CDC14A: variants seen among roughly 807,000 people sequenced by gnomAD.
CDC14A encodes the protein cell division cycle 14A.
CDC14A carries 53 observed loss-of-function variants against 74.4 expected under a neutral mutation model. That is an observed-to-expected ratio of 0.71 (90% CI 0.57 to 0.89). The LOEUF is 0.89. Ranked by LOEUF, CDC14A falls within the 40% of genes least tolerant of loss-of-function variation. The pLI, the probability that CDC14A is intolerant of heterozygous loss-of-function variation, is 0.00. For synonymous variants in CDC14A, 247 were observed against 258.4 expected (o/e 0.96, Z 0.43); for missense variants, 646 against 713.7 (o/e 0.91, Z 1.08).
At position 100,508,747 on chromosome 1, in the gene CDC14A, C is replaced by G. The variant is rs2101471055; in HGVS notation, c.1755+9485C>G. On this transcript the variant is annotated intron_variant, in intron 15 of 15. Transcript: ENST00000336454. This position sits in a 1 kb window ranked among gnomAD's most constrained non-coding sequence, Gnocchi z 4.4. ...GCCTGACTCCACCCCTGATTTCAGG[C>G]CAGGGGCTTTCGACCTATGTACCCA... 6.6e-6 allele frequency among the ~76,000 whole-genome samples: 1 copy of G among 152,312 alleles called. No individual in the cohort carries two copies. Among genetic ancestry groups the G allele is most frequent in the East Asian group, 1.9e-4 (1 of 5,176 alleles).
In CDC14A at chr1:100,398,624, A is replaced by AAT. The variant is rs201535593; in HGVS notation, c.309+7808_309+7809dup. ...CACTATGGTAGGTTCTAGGGAATAAAATATATATACATATAAACAATGCCT... is the reference window on the plus strand; with the variant it reads ...CACTATGGTAGGTTCTAGGGAATAAAATATATATATACATATAAACAATGCCT... On this transcript the variant is annotated intron_variant, in intron 4 of 15. Coordinates refer to ENST00000336454, the MANE Select transcript of CDC14A (RefSeq NM_003672.4). Among the ~76,000 whole-genome samples the AAT allele has an allele frequency of 4.2e-3, 640 of 152,300 alleles. 4 individuals carry two copies. The highest frequency in any genetic ancestry group is 0.014 in the African/African-American group (591 of 41,544).
chr1:100,350,424 TAC>T (rs1176126808), upstream of CDC14A, among the ~76,000 whole-genome samples: 1 of 152,236 alleles, frequency 6.6e-6, no homozygotes, highest in African/African-American at 2.4e-5. Context: ...ATTAATTACT[TAC>T]AGAGTTTTAT....
At chr1:100,484,063 A>G (rs1174925132) in intron 10 of CDC14A, among the ~76,000 whole-genome samples, 1 of 152,170 alleles carries the variant, frequency 6.6e-6, no homozygotes, top group Non-Finnish European at 1.5e-5. Context: ...AACTATATAG[A>G]CAAATATTGG....
chr1:100,390,877 C>A, intron 4 of CDC14A, 53 bp downstream of exon 4: 1 of 1,296,200 alleles, frequency 7.7e-7, no homozygotes, highest in Non-Finnish European at 1.1e-6. Flanking sequence ...GAAATGCTAA[C>A]ACTGTCAAAG....
chr1:100,420,677 G>T (rs2101070245), intron 4 of CDC14A, among the ~76,000 whole-genome samples: 1 of 152,228 alleles, frequency 6.6e-6, no homozygotes, highest in East Asian at 1.9e-4. Context: ...TAAGTCAAAA[G>T]TAAATGTGTG....
intron 2 of CDC14A, among the ~76,000 whole-genome samples, chr1:100,366,107 A>G (rs868140867): frequency 9.2e-5 from 14 of 152,166 alleles, no homozygotes. Context: ...GCTTTTAGTA[A>G]CTATTTGAGT....
At chr1:100,369,584 C>T (rs545642679) in intron 2 of CDC14A, among the ~76,000 whole-genome samples, 2 of 152,100 alleles carry the variant, frequency 1.3e-5, no homozygotes, top group South Asian at 4.1e-4. Flanking sequence ...GGTTATTTTT[C>T]TCTTGTTCAA....
chr1:100,515,904 A>C (rs1398444392), intron 15 of CDC14A, among the ~76,000 whole-genome samples: 1 of 152,226 alleles, frequency 6.6e-6, no homozygotes, highest in African/African-American at 2.4e-5. Flanking sequence ...ACTTATGTTC[A>C]GTAATTATTT....
At chr1:100,378,969 A>G (rs189214955) in intron 3 of CDC14A, among the ~76,000 whole-genome samples, 8 of 152,308 alleles carry the variant, frequency 5.3e-5, no homozygotes, top group Non-Finnish European at 1.2e-4. Context: ...TGGCTGAGTA[A>G]ACAAGAAAAG....
chr1:100,386,263 G>C (rs2100975078), intron 3 of CDC14A, among the ~76,000 whole-genome samples: 2 of 152,252 alleles, frequency 1.3e-5, no homozygotes, highest in East Asian at 3.9e-4. Context: ...TTTGTAATGG[G>C]TCATGTGCTG....
At chr1:100,364,200 CT>C (rs1014872052) in intron 2 of CDC14A, among the ~76,000 whole-genome samples, 80 of 145,776 alleles carry the variant, frequency 5.5e-4, no homozygotes, top group Non-Finnish European at 4.9e-4. Flanking sequence ...GGATGATCAT[CT>C]TTTTTTTTTT....
chr1:100,416,078 G>T (rs895485182), intron 4 of CDC14A, among the ~76,000 whole-genome samples: 8 of 152,160 alleles, frequency 5.3e-5, no homozygotes, highest in African/African-American at 1.7e-4. Context: ...TGAGAACCAA[G>T]TTTTGGGAGC....
upstream of CDC14A, chr1:100,351,577 T>C (rs1329882636): frequency 1.6e-6 from 1 of 620,718 alleles, no homozygotes; most frequent in Admixed American, 2.9e-5. Context: ...AATTCCTTTG[T>C]GTTAACCTTC....
chr1:100,502,484 C>A (rs1298686478), intron 15 of CDC14A, among the ~76,000 whole-genome samples: 2 of 152,198 alleles, frequency 1.3e-5, no homozygotes, highest in African/African-American at 4.8e-5. Context: ...GTAGCAGGCT[C>A]TACCATCTAG....
chr1:100,503,456 G>C (rs61811409), intron 15 of CDC14A, among the ~76,000 whole-genome samples: 2,929 of 152,282 alleles, frequency 0.019, 91 homozygotes, highest in South Asian at 0.14. Context: ...GCTACAATTA[G>C]CATCTCTTTT....
chr1:100,459,772 A>G (rs1042473968), intron 8 of CDC14A, among the ~76,000 whole-genome samples: 5 of 152,182 alleles, frequency 3.3e-5, no homozygotes, highest in African/African-American at 4.8e-5. Context: ...GGCACATTAT[A>G]CACATTGCTA....
intron 9 of CDC14A, among the ~76,000 whole-genome samples, chr1:100,467,485 A>G (rs542564881): frequency 1.3e-5 from 2 of 152,188 alleles, no homozygotes; most frequent in East Asian, 3.9e-4. Context: ...TGAAGTCAAC[A>G]TTGTACCAGT....
intron 3 of CDC14A, among the ~76,000 whole-genome samples, chr1:100,378,216 A>G (rs1271300093): frequency 1.3e-5 from 2 of 151,982 alleles, no homozygotes; most frequent in African/African-American, 4.8e-5. Context: ...CTGTACTTTT[A>G]TGTGGATTTT....
chr1:100,444,942 T>G (rs1361908496), intron 7 of CDC14A, among the ~76,000 whole-genome samples: 1 of 151,310 alleles, frequency 6.6e-6, no homozygotes, highest in Non-Finnish European at 1.5e-5. Flanking sequence ...CCAAAGAGAG[T>G]TTTTTTTAAT....
Sources: gnomAD v4.1 joint callset for allele counts (sites outside exome capture counted in the v4.1 genomes callset) on GRCh38, gnomAD v4.1.1 for gene constraint, Gnocchi (gnomAD v3.1) non-coding constraint, MANE v1.5 for transcripts, NCBI Gene and HGNC (gene_info 2026-07-23, HGNC 2026-07-21) for gene names.